Variants in FHIT observed in about 807,000 individuals in gnomAD.
The protein encoded by FHIT is fragile histidine triad diadenosine triphosphatase.
Under a neutral mutation model 17.9 loss-of-function variants are expected in FHIT, and 19 were observed. That is an observed-to-expected ratio of 1.06 (90% CI 0.74 to 1.56). FHIT has a LOEUF of 1.56. Ranked by LOEUF, FHIT falls within the 40% of genes most tolerant of loss-of-function variation. The pLI is 0.00. For missense variants in FHIT, 248 were observed against 189.2 expected, an observed-to-expected ratio of 1.31 and a Z score of -1.82; for synonymous variants, 81 against 69.7, an observed-to-expected ratio of 1.16 and a Z score of -0.81.
chr3:60,853,911 T>A (rs550873907), intron 3 of FHIT, among the ~76,000 whole-genome samples: 1 of 152,166 alleles, frequency 6.6e-6, no homozygotes, highest in African/African-American at 2.4e-5. Flanking sequence ...ATAGTCCCTT[T>A]GGTGTCCTTA....
chr3:60,877,380 C>T (rs1208175499), intron 3 of FHIT, among the ~76,000 whole-genome samples: 1 of 152,146 alleles, frequency 6.6e-6, no homozygotes, highest in Non-Finnish European at 1.5e-5. Context: ...TCACCTTCAC[C>T]TGCCCTCTCC....
At chr3:59,854,407 AG>A (rs1278905579) in intron 8 of FHIT, among the ~76,000 whole-genome samples, 2 of 152,222 alleles carry the variant, frequency 1.3e-5, no homozygotes, top group African/African-American at 4.8e-5. Flanking sequence ...AGGAAGGCAA[AG>A]AGGTCAAGTT....
intron 2 of FHIT, among the ~76,000 whole-genome samples, chr3:61,177,861 A>G (rs1157881938): frequency 6.6e-6 from 1 of 152,260 alleles, no homozygotes; most frequent in African/African-American, 2.4e-5. Context: ...TGACAACCTA[A>G]TAACCAGATT....
intron 5 of FHIT, among the ~76,000 whole-genome samples, chr3:60,180,347 A>G (rs1019831329): frequency 6.6e-6 from 1 of 152,232 alleles, no homozygotes; most frequent in African/African-American, 2.4e-5. Flanking sequence ...CACACCTGCA[A>G]CAGCATCATT....
chr3:60,656,938 G>A (rs1468015475), intron 4 of FHIT, among the ~76,000 whole-genome samples: 1 of 150,928 alleles, frequency 6.6e-6, no homozygotes, highest in Non-Finnish European at 1.5e-5. Flanking sequence ...TATGGTATGT[G>A]CTCAGCAGCA....
chr3:59,924,495 G>A (rs1015402870), intron 7 of FHIT, among the ~76,000 whole-genome samples: 1 of 152,186 alleles, frequency 6.6e-6, no homozygotes, highest in African/African-American at 2.4e-5. Flanking sequence ...GGATTATAAT[G>A]GTTGCTACCT....
At chr3:60,870,451 T>C (rs1446336054) in intron 3 of FHIT, among the ~76,000 whole-genome samples, 2 of 152,066 alleles carry the variant, frequency 1.3e-5, no homozygotes, top group African/African-American at 2.4e-5. Flanking sequence ...AGTATTCTAA[T>C]GTAGGGACAC....
Position 60,014,024 on chromosome 3 carries a change from G to A in FHIT, c.232C>T (p.Leu78Phe). Reference sequence around the variant, plus strand: ...ACACTCACCTGCATGGAAAAGGTGAGAGAGGTCCCATGGAAATGTTTTTCC... The same window carrying A: ...ACACTCACCTGCATGGAAAAGGTGAAAGAGGTCCCATGGAAATGTTTTTCC... The part of the protein sequence containing the change: ...VVEKHFHGTS[L>F]TFSMQDGPEA... Residue 78 changes from leucine (L) to phenylalanine (F), a missense_variant, in exon 6 of 10, where the codon CTC becomes TTC. Coordinates refer to ENST00000492590, the MANE Select transcript of FHIT (RefSeq NM_002012.4). 3 of 1,613,992 alleles carry A rather than the reference G, an allele frequency of 1.9e-6. No homozygotes were observed. Among genetic ancestry groups the A allele is most frequent in the South Asian group, 2.2e-5 (2 of 91,076 alleles).
At chr3:60,852,450 A>C (rs906774544) in intron 3 of FHIT, among the ~76,000 whole-genome samples, 1 of 152,144 alleles carries the variant, frequency 6.6e-6, no homozygotes, top group Non-Finnish European at 1.5e-5. Context: ...TACAAATATT[A>C]AACCCAAATA....
intron 4 of FHIT, among the ~76,000 whole-genome samples, chr3:60,546,295 G>A (rs755975608): frequency 6.6e-6 from 1 of 151,988 alleles, no homozygotes; most frequent in Non-Finnish European, 1.5e-5. Context: ...CTCCCCATGA[G>A]TATGAAAATT....
chr3:60,373,069 G>T (rs1700400436), intron 5 of FHIT, among the ~76,000 whole-genome samples: 1 of 152,146 alleles, frequency 6.6e-6, no homozygotes, highest in Admixed American at 6.5e-5. Flanking sequence ...ATGTTTTTAT[G>T]TGCCAGACAA....
intron 1 of FHIT, among the ~76,000 whole-genome samples, chr3:61,237,543 T>C (rs554828524): frequency 1.4e-3 from 212 of 152,286 alleles, no homozygotes; most frequent in Non-Finnish European, 7.9e-4. Context: ...CCAAATAACA[T>C]AGTACTATGG....
chr3:60,639,895 G>A (rs1314117070), intron 4 of FHIT, among the ~76,000 whole-genome samples: 7 of 152,124 alleles, frequency 4.6e-5, no homozygotes, highest in Non-Finnish European at 1.0e-4. Flanking sequence ...CAACCCCTAT[G>A]TGAACCAAGT....
At chr3:61,187,158 A>C (rs1018924053) in intron 2 of FHIT, among the ~76,000 whole-genome samples, 5 of 152,154 alleles carry the variant, frequency 3.3e-5, no homozygotes, top group African/African-American at 1.2e-4. Context: ...TCATTCACTC[A>C]ATATACAAAT....
At chr3:60,130,793 A>ACACATATATATGTGTGTGTG (rs1165614900) in intron 5 of FHIT, among the ~76,000 whole-genome samples, 4 of 140,428 alleles carry the variant, frequency 2.8e-5, no homozygotes, top group Admixed American at 6.9e-5. Context: ...TGGTGTGTAT[A>ACACATATATATGTGTGTGTG]TACACACATA....
Position 60,546,054 on chromosome 3 carries a change from A to G in FHIT, c.-17-9075T>C, listed in dbSNP as rs749354014. Among the ~76,000 whole-genome samples, 80 of 152,090 alleles carry G rather than the reference A, an allele frequency of 5.3e-4. 1 individual carries two copies. Among genetic ancestry groups the G allele is most frequent in the Non-Finnish European group, 6.0e-4 (41 of 68,006 alleles). On this transcript the variant is annotated intron_variant, in intron 4 of 9. Transcript: ENST00000492590. ...TTCCTTTTTCTTCTTTGTATTTGAC[A>G]AGTATAAATTTTTCCATCACCTTAC...
At chr3:61,134,266 C>G (rs1445539787) in intron 2 of FHIT, among the ~76,000 whole-genome samples, 3 of 152,082 alleles carry the variant, frequency 2.0e-5, no homozygotes, top group Non-Finnish European at 4.4e-5. Context: ...ATTTCTAAAG[C>G]AAGAGATCCC....
chr3:60,982,071 C>A (rs1710521114), intron 3 of FHIT, among the ~76,000 whole-genome samples: 1 of 152,198 alleles, frequency 6.6e-6, no homozygotes, highest in African/African-American at 2.4e-5. Flanking sequence ...CCACTCTTGC[C>A]CTTCCAGTTC....
intron 2 of FHIT, among the ~76,000 whole-genome samples, chr3:61,063,181 G>A (rs548541849): frequency 1.4e-5 from 2 of 140,746 alleles, no homozygotes; most frequent in South Asian, 4.4e-4. Flanking sequence ...GTGTAAACCC[G>A]GGAGGCAGAG....
Sources: allele counts gnomAD v4.1 joint callset (sites outside exome capture counted in the v4.1 genomes callset), GRCh38; gene constraint gnomAD v4.1.1; transcripts MANE v1.5; gene names NCBI Gene and HGNC (gene_info 2026-07-23, HGNC 2026-07-21).